The following SRGAP3 variants were observed in gnomAD, a reference collection of about 807,000 sequenced individuals.
SRGAP3 encodes the protein SLIT-ROBO Rho GTPase activating protein 3, also known as SLIT-ROBO Rho GTPase-activating protein 3.
A neutral mutation model predicts 121.1 loss-of-function variants in SRGAP3; 39 were observed. The observed-to-expected ratio is 0.32, with a 90% CI of 0.25 to 0.42. SRGAP3 has a LOEUF of 0.42. Ranked by LOEUF, SRGAP3 falls within the 10% of genes least tolerant of loss-of-function variation. SRGAP3 has a pLI of 1.00. For missense variants in SRGAP3, 1,213 were observed against 1,470.6 expected, an observed-to-expected ratio of 0.82 and a Z score of 2.86; for synonymous variants, 601 against 570.0, an observed-to-expected ratio of 1.05 and a Z score of -0.77.
At chr3:9,257,743 C>T (rs1210466284) in intron 3 of SRGAP3, among the ~76,000 whole-genome samples, 3 of 112,984 alleles carry the variant, frequency 2.7e-5, no homozygotes, top group Non-Finnish European at 5.0e-5. Flanking sequence ...CTCACTCTGT[C>T]GTCCAGGCTG....
chr3:9,196,940 T>A (rs115044180), intron 1 of SRGAP3, among the ~76,000 whole-genome samples: 1 of 152,326 alleles, frequency 6.6e-6, no homozygotes, highest in African/African-American at 2.4e-5. Context: ...ATGATTTCCA[T>A]TTTAAAGAAG....
Position 9,322,454 on chromosome 3 carries a change from TGGAC to T in SRGAP3, n.442+3552_442+3555del, listed in dbSNP as rs550008233. Among the ~76,000 whole-genome samples the T allele has an allele frequency of 2.4e-4, 37 of 151,940 alleles. 1 individual carries two copies. In the East Asian group the frequency reaches 6.8e-3, roughly 28 times the overall value. Reference sequence around the variant, plus strand: ...ACAGGGGTCCCCAACCCCTGGGCCGTGGACTGGTGCCAGTCCCCGTGGCCTATTA... The same window carrying T: ...ACAGGGGTCCCCAACCCCTGGGCCGTTGGTGCCAGTCCCCGTGGCCTATTA... On this transcript the variant is annotated intron_variant and non_coding_transcript_variant, in intron 3 of 3. Coordinates refer to the SRGAP3 transcript ENST00000490889.
chr3:9,171,856 A>G lies in SRGAP3; in HGVS notation c.68-46939T>C, dbSNP rs970605629. Reference sequence around the variant, plus strand: ...TTGCCTCGGTTCTGGGGGCCGGAAGAGGACACGGTGCTTGTCGGTGGGGTT... The same window carrying G: ...TTGCCTCGGTTCTGGGGGCCGGAAGGGGACACGGTGCTTGTCGGTGGGGTT... On this transcript the variant is annotated intron_variant, in intron 1 of 21. Transcript: ENST00000383836. Among the ~76,000 whole-genome samples the G allele has an allele frequency of 2.0e-5, 3 of 152,158 alleles. No homozygotes were observed. The East Asian group carries it at 5.8e-4, about 29-fold the overall frequency.
chr3:9,173,198 C>T (rs1051023571), intron 1 of SRGAP3, among the ~76,000 whole-genome samples: 32 of 152,224 alleles, frequency 2.1e-4, no homozygotes, highest in African/African-American at 7.0e-4. Context: ...AAAGCTTCAG[C>T]AGGCCGAATG....
intron 1 of SRGAP3, among the ~76,000 whole-genome samples, chr3:9,206,301 T>C (rs1414306511): frequency 6.6e-6 from 1 of 152,216 alleles, no homozygotes; most frequent in Non-Finnish European, 1.5e-5. Context: ...GCTTTACTAC[T>C]GAGGAAGCCA....
intron 1 of SRGAP3, among the ~76,000 whole-genome samples, chr3:9,203,749 G>A (rs183315466): frequency 6.6e-6 from 1 of 152,284 alleles, no homozygotes; most frequent in Admixed American, 6.5e-5. Flanking sequence ...AAACTATTTG[G>A]GAACTAATTA....
intron 3 of SRGAP3, among the ~76,000 whole-genome samples, chr3:9,283,220 G>A (rs1179808086): frequency 1.3e-5 from 2 of 152,166 alleles, no homozygotes; most frequent in African/African-American, 2.4e-5. Flanking sequence ...GGGATTACAG[G>A]CATGAGCCAC....
intron 18 of SRGAP3, among the ~76,000 whole-genome samples, chr3:8,999,295 C>T (rs1179258249): frequency 2.6e-5 from 4 of 152,192 alleles, no homozygotes; most frequent in Admixed American, 6.5e-5. Context: ...GGTTCAGAGA[C>T]GGCTACACTG....
At chr3:9,297,580 A>G (rs779024452) in intron 3 of SRGAP3, among the ~76,000 whole-genome samples, 8 of 152,008 alleles carry the variant, frequency 5.3e-5, no homozygotes, top group Non-Finnish European at 1.0e-4. Context: ...CTAATCCAAC[A>G]TGACCTGTTT....
intron 1 of SRGAP3, among the ~76,000 whole-genome samples, chr3:9,168,264 ACT>A (rs1221934117): frequency 6.6e-6 from 1 of 152,164 alleles, no homozygotes; most frequent in Non-Finnish European, 1.5e-5. Context: ...ATCTGGACAA[ACT>A]CAGACATTTC....
chr3:9,120,614 G>A (rs1040524940), intron 2 of SRGAP3, among the ~76,000 whole-genome samples: 37 of 152,212 alleles, frequency 2.4e-4, no homozygotes, highest in East Asian at 1.7e-3. Context: ...TTGGGTCCTC[G>A]TTAAAGTAAG....
At chr3:9,064,613 C>T in intron 4 of SRGAP3, 32 bp from the exon 5 acceptor site, 1 of 1,613,066 alleles carries the variant, frequency 6.2e-7, no homozygotes, top group Non-Finnish European at 8.5e-7. Context: ...AAATCAGCAG[C>T]CAGCTATGGC....
intron 1 of SRGAP3, among the ~76,000 whole-genome samples, chr3:9,175,561 A>C (rs76289456): frequency 0.012 from 1,789 of 152,330 alleles, 39 homozygotes; most frequent in African/African-American, 0.04. Flanking sequence ...CAGCTCAGGG[A>C]AAGGCTGGTC....
intron 1 of SRGAP3, among the ~76,000 whole-genome samples, chr3:9,240,275 A>G (rs376943105): frequency 8.5e-5 from 13 of 152,350 alleles, no homozygotes; most frequent in Admixed American, 5.2e-4. Context: ...ATGAACACCA[A>G]CAAGCCATCA....
intron 1 of SRGAP3, among the ~76,000 whole-genome samples, chr3:9,212,662 C>G (rs1952485353): frequency 6.6e-6 from 1 of 152,068 alleles, no homozygotes; most frequent in Non-Finnish European, 1.5e-5. Context: ...TTGCAGTGAG[C>G]CAAGATCAAG....
chr3:9,047,192 A>G (rs947996071), intron 10 of SRGAP3, among the ~76,000 whole-genome samples, 199 bp downstream of exon 10: 4 of 151,428 alleles, frequency 2.6e-5, no homozygotes, highest in Non-Finnish European at 5.9e-5. Flanking sequence ...CACACCCTCT[A>G]TTTTCTATAG....
At chr3:9,037,084 A>G (rs1944782446) in intron 11 of SRGAP3, 1 of 152,066 alleles carries the variant, frequency 6.6e-6, no homozygotes, top group Non-Finnish European at 1.5e-5. Context: ...AGCAGGAGAG[A>G]GTTGGGAGTT....
intron 3 of SRGAP3, among the ~76,000 whole-genome samples, chr3:9,315,903 T>C (rs1352983801): frequency 1.3e-5 from 2 of 152,228 alleles, no homozygotes; most frequent in Non-Finnish European, 2.9e-5. Flanking sequence ...ACTTAAACTA[T>C]ATTTATTATA....
At chr3:9,304,243 T>A (rs1170944018) in intron 3 of SRGAP3, among the ~76,000 whole-genome samples, 2 of 152,186 alleles carry the variant, frequency 1.3e-5, no homozygotes, top group Admixed American at 1.3e-4. Context: ...ACGTGGGGGT[T>A]GCCCATAAAC....
Sources: allele counts gnomAD v4.1 joint callset (sites outside exome capture counted in the v4.1 genomes callset), GRCh38; gene constraint gnomAD v4.1.1; transcripts MANE v1.5; gene names NCBI Gene and HGNC (gene_info 2026-07-23, HGNC 2026-07-21).